Variants in HIVEP3 observed in about 807,000 individuals in gnomAD.
The protein encoded by HIVEP3 is transcription factor HIVEP3.
A neutral mutation model predicts 152.8 loss-of-function variants in HIVEP3; 49 were observed. The ratio of observed to expected loss-of-function variants is 0.32; its 90% CI spans 0.26 to 0.41. The LOEUF is 0.41. Ranked by LOEUF, HIVEP3 falls within the 10% of genes least tolerant of loss-of-function variation. HIVEP3 has a pLI of 1.00. For missense variants in HIVEP3, 2,790 were observed against 3,103.3 expected, an observed-to-expected ratio of 0.90 and a Z score of 2.40; for synonymous variants, 1,269 against 1,289.0, an observed-to-expected ratio of 0.98 and a Z score of 0.33.
At chr1:41,653,176 C>T (rs1185951228) in intron 2 of HIVEP3, among the ~76,000 whole-genome samples, 3 of 151,936 alleles carry the variant, frequency 2.0e-5, no homozygotes, top group African/African-American at 7.3e-5. Context: ...TTCTGTGGAA[C>T]TCTTCTCCAG....
chr1:41,509,920 T>TGCCTGGGGACA lies in HIVEP3; in HGVS notation c.*520_*530dup, dbSNP rs1553216251. ...TCACCTGCCTGTGTTTGTGCCCCTCTGCCTGGGGACACTGGCCTTTCTGCT... is the reference window on the plus strand; with the variant it reads ...TCACCTGCCTGTGTTTGTGCCCCTCTGCCTGGGGACAGCCTGGGGACACTGGCCTTTCTGCT... On this transcript the variant is annotated 3_prime_UTR_variant, in exon 9 of 9. Coordinates refer to ENST00000372583, the MANE Select transcript of HIVEP3 (RefSeq NM_024503.5). 2 of 151,652 alleles carry TGCCTGGGGACA rather than the reference T, an allele frequency of 1.3e-5. No individual in the cohort carries two copies. The highest frequency in any genetic ancestry group is 2.9e-5 in the Non-Finnish European group (2 of 67,988). The allele number at this position is 151,652 out of a possible 1,614,324, so 9.4% of individuals were successfully genotyped here. A position where few individuals can be genotyped will look rare whatever the true frequency, so the allele number is the denominator to read the frequency against.
intron 4 of HIVEP3, among the ~76,000 whole-genome samples, chr1:41,579,525 G>A (rs1282762321): frequency 1.3e-5 from 2 of 152,150 alleles, no homozygotes; most frequent in Non-Finnish European, 2.9e-5. Context: ...TTATTGAAGT[G>A]TATCTATTCC....
chr1:42,004,095 G>A (rs1373561891), intron 1 of HIVEP3, among the ~76,000 whole-genome samples: 1 of 152,138 alleles, frequency 6.6e-6, no homozygotes, highest in Non-Finnish European at 1.5e-5. Flanking sequence ...CAGCAAGTCC[G>A]CCTTTGCAAA....
At chr1:41,957,377 T>A (rs1645145516) in intron 1 of HIVEP3, among the ~76,000 whole-genome samples, 1 of 152,232 alleles carries the variant, frequency 6.6e-6, no homozygotes, top group Non-Finnish European at 1.5e-5. Context: ...TAGTTTCTCA[T>A]CAATAGCTGT....
At chr1:41,787,028 AG>A (rs1255845478) in intron 1 of HIVEP3, among the ~76,000 whole-genome samples, 7 of 152,176 alleles carry the variant, frequency 4.6e-5, no homozygotes, top group Non-Finnish European at 1.0e-4. Flanking sequence ...CTGGGATGAC[AG>A]GGGTGAGCTA....
Position 41,580,761 on chromosome 1 carries a change from G to A in HIVEP3, c.4037C>T (p.Ser1346Phe). The change falls in exon 4 of 9, where the codon TCC becomes TTC. Residue 1346 changes from serine to phenylalanine, a missense_variant. Physicochemically the swap from Ser to Phe is radical, Grantham distance 155. This residue lies in a region of HIVEP3 where 1,078 missense variants were observed against 1,165.3 expected (regional missense o/e 0.93). Transcript: ENST00000372583. ...TTLSQILVTQ[S>F]QGSSATVALP... ...TGCCACAGTTGCTGAGCTGCCTTGG[G>A]ACTGGGTGACCAAGATCTGGGAAAG... 6.3e-7 allele frequency: 1 copy of A among 1,583,412 alleles called. No homozygotes were observed. Among genetic ancestry groups the A allele is most frequent in the Non-Finnish European group, 8.6e-7 (1 of 1,165,420 alleles).
chr1:41,970,920 C>T (rs1399431931), intron 1 of HIVEP3, among the ~76,000 whole-genome samples: 1 of 152,176 alleles, frequency 6.6e-6, no homozygotes, highest in Non-Finnish European at 1.5e-5. Context: ...TCAGAGGAAG[C>T]TGCCTGGCCC....
At position 41,731,519 on chromosome 1, in the gene HIVEP3, G is replaced by A. The variant is rs773433984; in HGVS notation, c.-800-30524C>T. ...AACTGACCTATGTAACTAACAGGAT[G>A]TCGTGGGAATGACAGGCATGACTTC... On this transcript the variant is annotated intron_variant, in intron 1 of 8. Transcript: ENST00000372583. Among the ~76,000 whole-genome samples the A allele has an allele frequency of 2.3e-4, 35 of 152,336 alleles. 1 individual carries two copies. Among genetic ancestry groups the A allele is most frequent in the Middle Eastern group, 3.4e-3 (1 of 294 alleles).
At chr1:41,953,332 C>A (rs1244011834) in intron 1 of HIVEP3, among the ~76,000 whole-genome samples, 2 of 152,170 alleles carry the variant, frequency 1.3e-5, no homozygotes, top group African/African-American at 4.8e-5. Flanking sequence ...GGCCTGCTAG[C>A]TGTGTGACCT....
At chr1:41,665,450 A>G (rs1329914133) in intron 2 of HIVEP3, among the ~76,000 whole-genome samples, 2 of 151,934 alleles carry the variant, frequency 1.3e-5, no homozygotes, top group Non-Finnish European at 2.9e-5. Flanking sequence ...GCATTCCTCA[A>G]ACATGAATCA....
rs1553242264 is a variant in HIVEP3 at position 41,643,906 on chromosome 1, T to TTTG, written c.-720-14960_-720-14959insCAA. ...TCCCATCCTCTTTTTTTTTTTTTTT[T>TTTG]GACAGGGTCTGGCTCTGTTGCCTAG... On this transcript the variant is annotated intron_variant, in intron 2 of 8. Coordinates refer to ENST00000372583, the MANE Select transcript of HIVEP3 (RefSeq NM_024503.5). 4.2e-5 allele frequency among the ~76,000 whole-genome samples: 6 copies of TTTG among 143,604 alleles called. 1 individual carries two copies. The highest frequency in any genetic ancestry group is 2.4e-4 in the South Asian group (1 of 4,162). 94.2% of individuals were successfully genotyped at this position (143,604 alleles called of 152,430 possible).
chr1:41,826,512 C>T (rs887399600), intron 1 of HIVEP3, among the ~76,000 whole-genome samples: 2 of 152,202 alleles, frequency 1.3e-5, no homozygotes, highest in South Asian at 4.1e-4. Context: ...CTCCCAGGTT[C>T]AAGTGATTCT....
intron 1 of HIVEP3, among the ~76,000 whole-genome samples, chr1:41,846,197 G>T (rs1643439298): frequency 6.6e-6 from 1 of 152,200 alleles, no homozygotes; most frequent in Non-Finnish European, 1.5e-5. Flanking sequence ...GTCAGCCCTG[G>T]ATTAGATAGT....
chr1:41,736,528 A>G (rs1330814486), intron 1 of HIVEP3, among the ~76,000 whole-genome samples: 1 of 152,154 alleles, frequency 6.6e-6, no homozygotes, highest in African/African-American at 2.4e-5. Flanking sequence ...GGGTCTTGAG[A>G]AAAGTAGCCA....
chr1:41,819,740 G>A (rs957107967), intron 1 of HIVEP3, among the ~76,000 whole-genome samples: 1 of 152,174 alleles, frequency 6.6e-6, no homozygotes, highest in Non-Finnish European at 1.5e-5. Flanking sequence ...TGTAGTTAGA[G>A]ATGTTTATGA....
intron 1 of HIVEP3, among the ~76,000 whole-genome samples, chr1:41,729,839 G>T (rs977228725): frequency 2.0e-5 from 3 of 152,162 alleles, no homozygotes; most frequent in Admixed American, 6.5e-5. Context: ...GAAGAGGTGC[G>T]TTCTTGCTCT....
chr1:41,609,452 T>TGG (rs1449339843), intron 3 of HIVEP3, among the ~76,000 whole-genome samples: 2 of 152,222 alleles, frequency 1.3e-5, no homozygotes, highest in African/African-American at 2.4e-5. Context: ...TGGCAGGCTG[T>TGG]GTTTGCCTTT....
At chr1:41,957,597 C>T (rs904750619) in intron 1 of HIVEP3, among the ~76,000 whole-genome samples, 4 of 152,194 alleles carry the variant, frequency 2.6e-5, no homozygotes, top group African/African-American at 9.6e-5. Context: ...GAAAGTTCAA[C>T]GTGCAGTGAT....
intron 5 of HIVEP3, among the ~76,000 whole-genome samples, chr1:41,560,131 A>G (rs1644035884): frequency 6.6e-6 from 1 of 152,238 alleles, no homozygotes; most frequent in African/African-American, 2.4e-5. Flanking sequence ...AATATTGATA[A>G]TTCAGAAAAA....
Sources: allele counts gnomAD v4.1 joint callset (sites outside exome capture counted in the v4.1 genomes callset), GRCh38; gene constraint gnomAD v4.1.1; regional missense constraint gnomAD v4.1.1; transcripts MANE v1.5; gene names NCBI Gene and HGNC (gene_info 2026-07-23, HGNC 2026-07-21).